TENM1: variants seen among roughly 807,000 people sequenced by gnomAD.
TENM1 encodes the protein teneurin-1.
Under a neutral mutation model 174.8 loss-of-function variants are expected in TENM1, and 35 were observed. The ratio of observed to expected loss-of-function variants is 0.20; its 90% CI spans 0.15 to 0.27. The LOEUF is 0.27. Among genes scored for constraint, TENM1 ranks in the 10% least tolerant of loss-of-function variants. TENM1 has a pLI of 1.00. For missense variants in TENM1, 1,633 were observed against 2,130.1 expected (o/e 0.77, Z 4.59); for synonymous variants, 781 against 798.7 (o/e 0.98, Z 0.37).
chrX:125,175,183 G>A, the TENM1 span, among the ~76,000 whole-genome samples: 1 of 110,878 alleles, frequency 9.0e-6, no homozygotes, highest in Non-Finnish European at 1.9e-5. Flanking sequence ...GAGATAAGTG[G>A]AAAGAGCAAG....
At chrX:125,113,477 TAA>T in the TENM1 span, among the ~76,000 whole-genome samples, 3 of 111,116 alleles carry the variant, frequency 2.7e-5, no homozygotes, top group African/African-American at 6.5e-5. Flanking sequence ...GCAAATTGGA[TAA>T]AGAGTCAAGA....
chrX:124,410,467 A>T (rs773957324), intron 25 of TENM1, among the ~76,000 whole-genome samples: 2 of 112,049 alleles, frequency 1.8e-5, no homozygotes, highest in East Asian at 2.8e-4. Context: ...ATGAGCAAGG[A>T]CTTCATGTCT....
intron 1 of TENM1, among the ~76,000 whole-genome samples, chrX:124,904,699 C>T (rs776936348): frequency 8.9e-6 from 1 of 112,077 alleles, no homozygotes; most frequent in South Asian, 3.7e-4. Context: ...GAAATAGTCA[C>T]ACAAAGGAAG....
At chrX:124,467,028 C>T (rs2061248192) in intron 22 of TENM1, among the ~76,000 whole-genome samples, 5 of 110,919 alleles carry the variant, frequency 4.5e-5, no homozygotes, top group African/African-American at 1.6e-4. Context: ...GAGAAATTAC[C>T]ACTGTAGTCA....
intron 6 of TENM1, among the ~76,000 whole-genome samples, chrX:124,660,406 C>T (rs1266195825): frequency 1.8e-5 from 2 of 109,901 alleles, no homozygotes; most frequent in Non-Finnish European, 3.8e-5. Flanking sequence ...AACTTTTGTG[C>T]TTCAAAAGAC....
the TENM1 span, among the ~76,000 whole-genome samples, chrX:125,082,953 G>A: frequency 9.0e-6 from 1 of 110,975 alleles, no homozygotes; most frequent in African/African-American, 3.3e-5. Flanking sequence ...TACTCTTGTA[G>A]TTATTTTAAA....
chrX:125,080,076 A>G, the TENM1 span, among the ~76,000 whole-genome samples: 1 of 111,024 alleles, frequency 9.0e-6, no homozygotes, highest in South Asian at 3.8e-4. Context: ...CATGTTACTC[A>G]AGATGTGGTT....
intron 15 of TENM1, among the ~76,000 whole-genome samples, chrX:124,538,883 T>C (rs1199874844): frequency 8.9e-6 from 1 of 111,825 alleles, no homozygotes; most frequent in Non-Finnish European, 1.9e-5. Context: ...AATCAGTAAG[T>C]GGTTTCTCAA....
intron 13 of TENM1, among the ~76,000 whole-genome samples, chrX:124,562,721 T>C (rs1444355148): frequency 8.9e-6 from 1 of 112,910 alleles, no homozygotes; most frequent in Non-Finnish European, 1.9e-5. Flanking sequence ...ATGCGCCACA[T>C]GCGCAGTGGG....
chrX:124,636,147 C>T (rs1312823430), intron 11 of TENM1, among the ~76,000 whole-genome samples: 2 of 111,819 alleles, frequency 1.8e-5, no homozygotes, highest in African/African-American at 6.5e-5. Flanking sequence ...TGATCAATGG[C>T]AAAGAGCATA....
intron 3 of TENM1, among the ~76,000 whole-genome samples, chrX:124,840,338 ATAATTT>A (rs1418908894): frequency 8.9e-6 from 1 of 111,826 alleles, no homozygotes; most frequent in East Asian, 2.8e-4. Flanking sequence ...AAAGCATAAT[ATAATTT>A]TAAAGTATTG....
chrX:124,664,532 G>GAAAA (rs779501054), intron 6 of TENM1, among the ~76,000 whole-genome samples: 4 of 29,275 alleles, frequency 1.4e-4, no homozygotes, highest in African/African-American at 2.4e-4. Context: ...TAAAGCAAAA[G>GAAAA]AAAAAAAAAA....
the TENM1 span, among the ~76,000 whole-genome samples, chrX:125,198,877 G>A: frequency 9.1e-6 from 1 of 109,885 alleles, no homozygotes; most frequent in Non-Finnish European, 1.9e-5. Context: ...GCAGGGGTGG[G>A]GGCAGGGAAG....
intron 5 of TENM1, among the ~76,000 whole-genome samples, chrX:124,672,310 G>T (rs1017816897): frequency 1.8e-5 from 2 of 111,503 alleles, no homozygotes; most frequent in African/African-American, 6.5e-5. Flanking sequence ...CCCTATGATA[G>T]TTGCTGCCGG....
chrX:124,863,358 G>C (rs904347537), intron 3 of TENM1, among the ~76,000 whole-genome samples: 10 of 111,180 alleles, frequency 9.0e-5, no homozygotes, highest in Non-Finnish European at 1.7e-4. Context: ...CAGCATTTCT[G>C]GACCTGCCCT....
rs2053499364 is a variant in TENM1 at position 124,728,795 on chromosome X, G to A, written c.776+8162C>T. Among the ~76,000 whole-genome samples, 3 of 111,716 alleles carry A rather than the reference G, an allele frequency of 2.7e-5. No individual in the cohort carries two copies. The South Asian group carries it at 1.1e-3, about 42-fold the overall frequency. ...TGAAGATGCTAGACCTACAGCCTAG[G>A]TTCAAAACCTGACCTGGATCTGTCA... On this transcript the variant is annotated intron_variant, in intron 4 of 31. Coordinates refer to ENST00000422452, the Ensembl canonical transcript of TENM1.
At chrX:124,537,163 C>T (rs1027625285) in intron 15 of TENM1, among the ~76,000 whole-genome samples, 1 of 111,111 alleles carries the variant, frequency 9.0e-6, no homozygotes, top group Non-Finnish European at 1.9e-5. Context: ...TTCTTTCTTC[C>T]CTGACCTCTC....
At chrX:124,881,920 G>A (rs949487606) in intron 3 of TENM1, among the ~76,000 whole-genome samples, 1 of 111,313 alleles carries the variant, frequency 9.0e-6, no homozygotes, top group African/African-American at 3.3e-5. Context: ...GCAGAGACAG[G>A]GTTTCACTGT....
At chrX:125,004,304 C>G in the TENM1 span, among the ~76,000 whole-genome samples, 3 of 111,647 alleles carry the variant, frequency 2.7e-5, no homozygotes, top group African/African-American at 9.8e-5. Context: ...TGCTATGGGT[C>G]CACAGAACAC....
Sources: gnomAD v4.1 joint callset for allele counts (sites outside exome capture counted in the v4.1 genomes callset) on GRCh38, gnomAD v4.1.1 for gene constraint, MANE v1.5 for transcripts, NCBI Gene and HGNC (gene_info 2026-07-23, HGNC 2026-07-21) for gene names.